CD99L2: variants seen among roughly 807,000 people sequenced by gnomAD.
CD99L2 encodes CD99 molecule like 2, also known as CD99 antigen-like protein 2.
In CD99L2, 24 loss-of-function variants were observed where a neutral mutation model predicts 27.3. That is an observed-to-expected ratio of 0.88 (90% CI 0.64 to 1.24). CD99L2 has a LOEUF of 1.24. Among genes scored for constraint, CD99L2 ranks in the 50% most tolerant of loss-of-function variants. CD99L2 has a pLI of 0.00. For missense variants in CD99L2, 255 were observed against 221.6 expected, an observed-to-expected ratio of 1.15 and a Z score of -0.96; for synonymous variants, 97 against 87.9, an observed-to-expected ratio of 1.10 and a Z score of -0.58.
At chrX:150,842,534 A>G (rs1045124690) in intron 1 of CD99L2, among the ~76,000 whole-genome samples, 7 of 111,415 alleles carry the variant, frequency 6.3e-5, no homozygotes, top group Non-Finnish European at 1.1e-4. Context: ...TGGGCCCCTT[A>G]AGTAGCCTTT....
intron 1 of CD99L2, among the ~76,000 whole-genome samples, chrX:150,841,731 C>T (rs1487980039): frequency 9.0e-6 from 1 of 111,497 alleles, no homozygotes; most frequent in Non-Finnish European, 1.9e-5. Flanking sequence ...GTACCCATCC[C>T]TTGTTGACCT....
intron 7 of CD99L2, among the ~76,000 whole-genome samples, chrX:150,792,179 C>G (rs2045700519): frequency 8.9e-6 from 1 of 111,878 alleles, no homozygotes; most frequent in Non-Finnish European, 1.9e-5. Context: ...ATAACTTAAG[C>G]TAACAATTGA....
intron 4 of CD99L2, among the ~76,000 whole-genome samples, chrX:150,802,071 C>G (rs1051590838): frequency 5.4e-5 from 6 of 111,390 alleles, no homozygotes; most frequent in African/African-American, 1.3e-4. Flanking sequence ...AAAATATATA[C>G]AGATTGGAAA....
chrX:150,822,193 A>T (rs782446781), intron 2 of CD99L2, among the ~76,000 whole-genome samples: 24 of 112,534 alleles, frequency 2.1e-4, no homozygotes, highest in Non-Finnish European at 4.5e-4. Context: ...AGCCATAAAA[A>T]GGAATGAAGT....
intron 1 of CD99L2, among the ~76,000 whole-genome samples, chrX:150,885,619 C>A (rs1263874963): frequency 2.7e-5 from 3 of 112,134 alleles, no homozygotes; most frequent in African/African-American, 9.7e-5. Context: ...ACGTTTACTA[C>A]GAAGAGTATG....
At chrX:150,770,645 C>T (rs782325907) in intron 9 of CD99L2, among the ~76,000 whole-genome samples, 11 of 113,156 alleles carry the variant, frequency 9.7e-5, no homozygotes, top group Non-Finnish European at 1.9e-4. Flanking sequence ...AGGGCAGCTG[C>T]CACCGCGTCA....
intron 4 of CD99L2, among the ~76,000 whole-genome samples, chrX:150,806,883 C>T (rs150149891): frequency 2.3e-3 from 247 of 109,619 alleles, no homozygotes; most frequent in African/African-American, 8.0e-3. Flanking sequence ...AAGAGCAAAA[C>T]TGCACCTCAA....
At position 150,776,299 on chromosome X, in the gene CD99L2, TGAA is replaced by T; in HGVS notation, c.536-9_536-7del. On this transcript the variant is annotated splice_region_variant and splice_polypyrimidine_tract_variant and intron_variant, in intron 8 of 10. Transcript: ENST00000370377. ...GCCAGGCTCTGCCACCATGCCTGCG[TGAA>T]GAAGGGGGAGAAATGAGGACAGGTG... is the stretch of plus-strand genomic sequence containing the variant. The T allele has an allele frequency of 8.3e-7, 1 of 1,200,108 alleles. No individual in the cohort carries two copies. Among genetic ancestry groups the T allele is most frequent in the East Asian group, 3.0e-5 (1 of 33,340 alleles).
At chrX:150,792,561 A>G (rs1192843497) in intron 7 of CD99L2, among the ~76,000 whole-genome samples, 2 of 112,144 alleles carry the variant, frequency 1.8e-5, no homozygotes, top group Non-Finnish European at 3.8e-5. Context: ...TTCCCATACG[A>G]AAGGCACACC....
intron 7 of CD99L2, among the ~76,000 whole-genome samples, chrX:150,792,527 T>C (rs924948297): frequency 4.5e-5 from 5 of 112,254 alleles, no homozygotes; most frequent in Non-Finnish European, 9.4e-5. Context: ...AACCATGGTA[T>C]CCTTTAATCG....
At chrX:150,841,311 G>A (rs1217035563) in intron 1 of CD99L2, among the ~76,000 whole-genome samples, 2 of 112,432 alleles carry the variant, frequency 1.8e-5, no homozygotes, top group Admixed American at 9.4e-5. Context: ...TTGCGTGTCT[G>A]TATCCATATC....
chrX:150,784,410 A>G (rs954056524), intron 7 of CD99L2, among the ~76,000 whole-genome samples: 8 of 111,520 alleles, frequency 7.2e-5, no homozygotes, highest in Non-Finnish European at 1.9e-5. Context: ...GTTAGAGGAC[A>G]TGACCTGAGG....
At chrX:150,835,446 C>T (rs1304085785) in intron 1 of CD99L2, among the ~76,000 whole-genome samples, 1 of 111,968 alleles carries the variant, frequency 8.9e-6, no homozygotes, top group Non-Finnish European at 1.9e-5. Context: ...AGGAGGATCG[C>T]TGGAGGCTAG....
In CD99L2 at chrX:150,831,302, T is replaced by TAAA; in HGVS notation, c.68-12_68-10dup. 9.6e-7 allele frequency: 1 copy of TAAA among 1,041,962 alleles called. No individual in the cohort carries two copies. The highest frequency in any genetic ancestry group is 1.3e-6 in the Non-Finnish European group (1 of 774,459). The allele number at this position is 1,041,962 out of a possible 1,213,427, so 85.9% of individuals were successfully genotyped here. ...ATCAAAGTCCCCAGATCCTAAAAAT[T>TAAA]AAAAAAAAAAATTAAACTATCTTTG... On this transcript the variant is annotated splice_polypyrimidine_tract_variant and intron_variant, in intron 1 of 10. Transcript: ENST00000370377.
intron 1 of CD99L2, among the ~76,000 whole-genome samples, chrX:150,851,242 C>T (rs1557421589): frequency 8.9e-6 from 1 of 112,114 alleles, no homozygotes; most frequent in Non-Finnish European, 1.9e-5. Context: ...CAAATTGCTC[C>T]CATCTTCTTC....
chrX:150,773,229 G>C (rs2050127358), intron 9 of CD99L2, among the ~76,000 whole-genome samples: 1 of 112,118 alleles, frequency 8.9e-6, no homozygotes, highest in African/African-American at 3.2e-5. Flanking sequence ...AGCAGGAGAG[G>C]GCCCAAGCCG....
At chrX:150,825,054 C>T (rs1165714451) in intron 2 of CD99L2, among the ~76,000 whole-genome samples, 3 of 112,009 alleles carry the variant, frequency 2.7e-5, no homozygotes, top group Non-Finnish European at 5.6e-5. Flanking sequence ...TAATCTATCT[C>T]ATCATCAGTT....
In CD99L2 at chrX:150,811,633, T is replaced by C. The variant is rs112212277; in HGVS notation, c.277+3229A>G. Among the ~76,000 whole-genome samples, 345 of 111,658 alleles carry C rather than the reference T, an allele frequency of 3.1e-3. 2 individuals are homozygous for C. The highest frequency in any genetic ancestry group is 0.011 in the African/African-American group (327 of 30,750). On this transcript the variant is annotated intron_variant, in intron 4 of 10. Coordinates refer to ENST00000370377, the MANE Select transcript of CD99L2 (RefSeq NM_031462.4). ...TACAAACCTATTTCTGTTAGTAATATAGATGCAAAAATCCTCAACAAAATA... is the reference window on the plus strand; with the variant it reads ...TACAAACCTATTTCTGTTAGTAATACAGATGCAAAAATCCTCAACAAAATA...
intron 4 of CD99L2, among the ~76,000 whole-genome samples, chrX:150,801,919 C>G (rs1329923966): frequency 8.9e-6 from 1 of 111,867 alleles, no homozygotes. Context: ...TCATAAAGAA[C>G]ATCTAGAAAA....
Sources: gnomAD v4.1 joint callset for allele counts (sites outside exome capture counted in the v4.1 genomes callset) on GRCh38, gnomAD v4.1.1 for gene constraint, MANE v1.5 for transcripts, NCBI Gene and HGNC (gene_info 2026-07-23, HGNC 2026-07-21) for gene names.